Variants in CENPN observed in about 807,000 individuals in gnomAD.
The protein encoded by CENPN is interphase centromere complex protein 32.
In CENPN, 36 loss-of-function variants were observed where a neutral mutation model predicts 48.6. That is an observed-to-expected ratio of 0.74 (90% confidence interval 0.57 to 0.98). CENPN has a LOEUF of 0.98. CENPN is among the 50% of genes least tolerant of loss of function. CENPN has a pLI of 0.00. For synonymous variants in CENPN, 166 were observed against 135.2 expected, an observed-to-expected ratio of 1.23 and a Z score of -1.58; for missense variants, 439 against 399.2, an observed-to-expected ratio of 1.10 and a Z score of -0.85.
chr16:81,015,047 T>G (rs1271020673), intron 3 of CENPN, among the ~76,000 whole-genome samples: 1 of 152,220 alleles, frequency 6.6e-6, no homozygotes, highest in Non-Finnish European at 1.5e-5. Context: ...TTAGGTGAAT[T>G]ATTTTCACCT....
rs558476841 is a variant in CENPN at position 81,026,069 on chromosome 16, A to ATATATG, written c.698-456_698-455insATATGT. On this transcript the variant is annotated intron_variant, in intron 8 of 10. Coordinates refer to ENST00000305850, the MANE Select transcript of CENPN (RefSeq NM_001100624.3). Reference sequence around the variant, plus strand: ...GCCATGGAGATATATATATATATATATGTGTGTGTGTGTGTGTGTGTATAT... The same window carrying ATATATG: ...GCCATGGAGATATATATATATATATATATATGTGTGTGTGTGTGTGTGTGTGTATAT... Among the ~76,000 whole-genome samples, 6 of 136,704 alleles carry ATATATG rather than the reference A, an allele frequency of 4.4e-5. No homozygotes were observed. In the East Asian group the frequency reaches 6.3e-4, roughly 14 times the overall value. 89.7% of individuals were successfully genotyped at this position (136,704 alleles called of 152,430 possible).
At chr16:81,011,854 T>C (rs547825741) in intron 1 of CENPN, 76 bp from the exon 2 acceptor site, 1 of 1,196,362 alleles carries the variant, frequency 8.4e-7, no homozygotes, top group Non-Finnish European at 1.2e-6. Flanking sequence ...CATATGTGTA[T>C]GTGTATGTGT....
chr16:81,032,848 C>A, downstream of CENPN: 1 of 787,034 alleles, frequency 1.3e-6, no homozygotes, highest in Non-Finnish European at 2.0e-6. Flanking sequence ...CTTGGATGTG[C>A]ACTGACTTGA....
At chr16:81,032,144 TCTGA>T (rs1350188956), downstream of CENPN, among the ~76,000 whole-genome samples, 2 of 152,200 alleles carry the variant, frequency 1.3e-5, no homozygotes, top group African/African-American at 2.4e-5. Context: ...AATTTCCTTG[TCTGA>T]CTAAGAAAGC....
chr16:81,014,308 C>T (rs1027024770), intron 3 of CENPN, 127 bp downstream of exon 3: 30 of 715,518 alleles, frequency 4.2e-5, no homozygotes, highest in Non-Finnish European at 6.9e-5. Context: ...CATCTCAGCT[C>T]ACCGCGACCT....
chr16:81,022,570 A>G (rs764384669), intron 6 of CENPN, 27 bp from the exon 7 acceptor site: 2 of 1,579,272 alleles, frequency 1.3e-6, no homozygotes, highest in African/African-American at 1.3e-5. Context: ...TAATCCTAGT[A>G]ATAGTCTTGC....
In CENPN at chr16:81,030,062, G is replaced by A; in HGVS notation, c.*1411G>A. On this transcript the variant is annotated 3_prime_UTR_variant, in exon 11 of 11. Coordinates refer to ENST00000305850, the MANE Select transcript of CENPN (RefSeq NM_001100624.3). ...AACTCCCATTTATAAAACCACCAGA[G>A]CTCATGAAACTTATTCACTACCATG... The A allele has an allele frequency of 3.4e-6, 1 of 292,396 alleles. No individual in the cohort carries two copies. The highest frequency in any genetic ancestry group is 5.1e-6 in the Non-Finnish European group (1 of 196,596). The allele number at this position is 292,396 out of a possible 1,614,324, so 18.1% of individuals were successfully genotyped here. A position where few individuals can be genotyped will look rare whatever the true frequency, so the allele number is the denominator to read the frequency against.
At chr16:81,008,232 C>G (rs1305497221) in intron 1 of CENPN, among the ~76,000 whole-genome samples, 1 of 152,192 alleles carries the variant, frequency 6.6e-6, no homozygotes, top group Non-Finnish European at 1.5e-5. Context: ...GTTCTGCAAA[C>G]TTTACCCGGA....
At chr16:81,021,183 A>G (rs976999948) in intron 6 of CENPN, among the ~76,000 whole-genome samples, 2 of 152,158 alleles carry the variant, frequency 1.3e-5, no homozygotes, top group Non-Finnish European at 2.9e-5. Context: ...TTGCTTATTA[A>G]TGAACATTAT....
In CENPN at chr16:81,017,827, T is replaced by C. The variant is rs768681081; in HGVS notation, c.347T>C (p.Leu116Ser). 6.4e-5 allele frequency: 97 copies of C among 1,517,392 alleles called. No individual in the cohort carries two copies. The highest frequency in any genetic ancestry group is 8.1e-5 in the Non-Finnish European group (89 of 1,105,106). The allele number at this position is 1,517,392 out of a possible 1,614,324, so 94.0% of individuals were successfully genotyped here. Reference sequence around the variant, plus strand: ...TTCAAGAAAATTCTTCAGAGAGCATTAAAAAATGTAAGAATAAAATTCATC... The same window carrying C: ...TTCAAGAAAATTCTTCAGAGAGCATCAAAAAATGTAAGAATAAAATTCATC... ...NSFKKILQRA[L>S]KNVTVSFRET... is the part of the protein sequence containing the mutation. The change falls in exon 5 of 11, where the codon TTA (leucine) becomes TCA (serine). Residue 116 changes from leucine to serine, a missense_variant. Physicochemically the swap from Leu to Ser is moderately radical, Grantham distance 145 (BLOSUM62 -2). Coordinates refer to ENST00000305850, the MANE Select transcript of CENPN (RefSeq NM_001100624.3).
chr16:81,008,261 T>C (rs1156860899), intron 1 of CENPN, among the ~76,000 whole-genome samples: 1 of 152,228 alleles, frequency 6.6e-6, no homozygotes, highest in East Asian at 1.9e-4. Flanking sequence ...TCTGACGTAC[T>C]TTTTAAAAGA....
At chr16:81,021,128 G>A (rs1217114372) in intron 6 of CENPN, among the ~76,000 whole-genome samples, 1 of 151,048 alleles carries the variant, frequency 6.6e-6, no homozygotes, top group Non-Finnish European at 1.5e-5. Flanking sequence ...ATTTCCACGT[G>A]GTTACAAATG....
intron 1 of CENPN, among the ~76,000 whole-genome samples, chr16:81,011,713 A>C (rs1257479048): frequency 2.6e-5 from 4 of 152,332 alleles, no homozygotes; most frequent in Admixed American, 6.5e-5. Context: ...GCTAAATATG[A>C]TGCCGATGGC....
chr16:81,018,479 T>C (rs1036676294), intron 5 of CENPN, among the ~76,000 whole-genome samples: 2 of 152,094 alleles, frequency 1.3e-5, no homozygotes, highest in African/African-American at 4.8e-5. Context: ...CAGCCTGAAT[T>C]TTTAATCTTT....
intron 9 of CENPN, 33 bp downstream of exon 9, chr16:81,026,671 T>C: frequency 9.4e-7 from 1 of 1,064,308 alleles, no homozygotes; most frequent in Admixed American, 2.1e-5. Context: ...AAGTACAAGA[T>C]ATCAACATTG....
At chr16:81,024,625 A>G in intron 7 of CENPN, 90 bp from the exon 8 acceptor site, 1 of 840,908 alleles carries the variant, frequency 1.2e-6, no homozygotes, top group African/African-American at 1.8e-5. Context: ...AAAAATAAAC[A>G]TTTGACATAC....
intron 1 of CENPN, among the ~76,000 whole-genome samples, chr16:81,007,733 G>A (rs1220834149): frequency 6.6e-6 from 1 of 152,190 alleles, no homozygotes; most frequent in Non-Finnish European, 1.5e-5. Context: ...ACTTAAAATG[G>A]ATCTTTTTGA....
chr16:81,012,724 T>C (rs907584504), intron 2 of CENPN, among the ~76,000 whole-genome samples: 1 of 152,154 alleles, frequency 6.6e-6, no homozygotes, highest in Non-Finnish European at 1.5e-5. Context: ...GCCTGCTGAG[T>C]AGCTGCGACT....
Position 81,028,655 on chromosome 16 carries a change from G to T in CENPN, c.*4G>T, listed in dbSNP as rs779123055. 2 of 1,609,346 alleles carry T rather than the reference G, an allele frequency of 1.2e-6. No individual in the cohort carries two copies. The highest frequency in any genetic ancestry group is 1.1e-5 in the South Asian group (1 of 89,720). On this transcript the variant is annotated 3_prime_UTR_variant, in exon 11 of 11. Transcript: ENST00000305850. ...TTTTAAAATTAGAGATAAATAAGAC[G>T]TGCGTGGTTTCTTAAGCACAGCTCC... is the stretch of plus-strand genomic sequence containing the variant.
Sources: gnomAD v4.1 joint callset for allele counts (sites outside exome capture counted in the v4.1 genomes callset) on GRCh38, gnomAD v4.1.1 for gene constraint, MANE v1.5 for transcripts, NCBI Gene and HGNC (gene_info 2026-07-23, HGNC 2026-07-21) for gene names.